Variants in CTNNA2 observed in about 807,000 individuals in gnomAD.
CTNNA2 encodes catenin alpha-2.
Under a neutral mutation model 101.0 loss-of-function variants are expected in CTNNA2, and 42 were observed. The observed-to-expected ratio is 0.42, with a 90% CI of 0.32 to 0.54. The LOEUF (loss-of-function observed/expected upper bound fraction) is 0.54. Among genes scored for constraint, CTNNA2 ranks in the 20% least tolerant of loss-of-function variants. CTNNA2 has a pLI of 0.14. For missense variants in CTNNA2, 871 were observed against 1,223.1 expected (o/e 0.71, Z 4.29); for synonymous variants, 450 against 456.4 (o/e 0.99, Z 0.18).
At chr2:80,383,115 C>G (rs1676666480) in intron 7 of CTNNA2, among the ~76,000 whole-genome samples, 2 of 152,096 alleles carry the variant, frequency 1.3e-5, no homozygotes, top group South Asian at 4.1e-4. Flanking sequence ...GGGGTTGGCA[C>G]TATGAAAAAT....
intron 7 of CTNNA2, among the ~76,000 whole-genome samples, chr2:80,128,365 T>G (rs527535748): frequency 1.3e-5 from 2 of 151,968 alleles, no homozygotes; most frequent in African/African-American, 2.4e-5. Flanking sequence ...CTAATGGGAG[T>G]CAGCACAGCT....
At chr2:80,325,604 T>TTC (rs1343482184) in intron 7 of CTNNA2, among the ~76,000 whole-genome samples, 3 of 152,206 alleles carry the variant, frequency 2.0e-5, no homozygotes, top group Non-Finnish European at 4.4e-5. Flanking sequence ...AACTGCCTCT[T>TTC]TCTCTACAAT....
intron 7 of CTNNA2, among the ~76,000 whole-genome samples, chr2:79,987,806 G>A (rs915126157): frequency 5.3e-5 from 8 of 152,184 alleles, no homozygotes; most frequent in Admixed American, 5.2e-4. Context: ...TTTGAGATAA[G>A]TACTGTTAAG....
chr2:80,531,262 T>C (rs555276913), intron 9 of CTNNA2, among the ~76,000 whole-genome samples: 16 of 152,276 alleles, frequency 1.1e-4, no homozygotes, highest in African/African-American at 3.6e-4. Flanking sequence ...GCAGTAACCA[T>C]TGCAGTGGCC....
chr2:80,172,091 CAG>C (rs1558872655), intron 7 of CTNNA2, among the ~76,000 whole-genome samples: 1 of 152,140 alleles, frequency 6.6e-6, no homozygotes, highest in Non-Finnish European at 1.5e-5. Context: ...AAGATCATGA[CAG>C]GGAGCGGTTT....
chr2:79,606,183 A>G (rs558922630), intron 1 of CTNNA2, among the ~76,000 whole-genome samples: 1 of 152,342 alleles, frequency 6.6e-6, no homozygotes, highest in South Asian at 2.1e-4. Context: ...GCATCAACAT[A>G]TGTGAATGAA....
intron 15 of CTNNA2, among the ~76,000 whole-genome samples, chr2:80,596,302 TTTTTTTTTTTTTTTTTTTTTTTTTTG>T (rs1696966340): frequency 1.5e-5 from 1 of 68,580 alleles, no homozygotes; most frequent in Admixed American, 1.6e-4. Context: ...TTTTTTTTTT[TTTTTTTTTTTTTTTTTTTTTTTTTTG>T]AGACGGAGTC....
intron 9 of CTNNA2, among the ~76,000 whole-genome samples, chr2:80,513,606 A>G (rs997567726): frequency 3.3e-5 from 5 of 152,242 alleles, no homozygotes; most frequent in African/African-American, 1.2e-4. Flanking sequence ...ACACCTTCCA[A>G]AATCTTGATG....
At chr2:79,963,070 C>CAAAA (rs56764501) in intron 7 of CTNNA2, among the ~76,000 whole-genome samples, 4 of 66,192 alleles carry the variant, frequency 6.0e-5, no homozygotes, top group Non-Finnish European at 1.0e-4. Flanking sequence ...GACTCCGTCT[C>CAAAA]AAAAAAAAAA....
chr2:79,805,618 T>C (rs909829146), intron 3 of CTNNA2, among the ~76,000 whole-genome samples: 14 of 152,178 alleles, frequency 9.2e-5, no homozygotes, highest in Admixed American at 7.2e-4. Context: ...ACTCCTGTTT[T>C]GCTGAGTGCA....
chr2:79,592,777 A>G (rs1279728740), intron 1 of CTNNA2, among the ~76,000 whole-genome samples: 1 of 152,234 alleles, frequency 6.6e-6, no homozygotes, highest in Non-Finnish European at 1.5e-5. Flanking sequence ...ATTGATTGCC[A>G]CATGATATGC....
chr2:80,600,479 GAA>G (rs1412081971), intron 15 of CTNNA2, among the ~76,000 whole-genome samples: 1 of 152,004 alleles, frequency 6.6e-6, no homozygotes, highest in Non-Finnish European at 1.5e-5. Flanking sequence ...CAAAATATCT[GAA>G]GAGCTTAGAT....
At chr2:79,395,288 C>T (rs2902073) in intron 4 of CTNNA2, among the ~76,000 whole-genome samples, 62,564 of 151,500 alleles carry the variant, frequency 0.41, 13,588 homozygotes, top group East Asian at 0.48. Flanking sequence ...ATGTGCACAA[C>T]GTGCAGGTTT....
intron 2 of CTNNA2, among the ~76,000 whole-genome samples, chr2:79,730,004 A>G (rs1213705054): frequency 6.6e-6 from 1 of 152,172 alleles, no homozygotes; most frequent in Non-Finnish European, 1.5e-5. Flanking sequence ...ATGCAGCCAC[A>G]TCAGTTGTCT....
intron 7 of CTNNA2, among the ~76,000 whole-genome samples, chr2:80,305,930 G>A (rs1439923936): frequency 6.6e-6 from 1 of 152,182 alleles, no homozygotes; most frequent in East Asian, 1.9e-4. Flanking sequence ...CTGCCTCTAA[G>A]GAAGTCAAAA....
Position 79,925,567 on chromosome 2 carries a change from T to G in CTNNA2, c.1056+15770T>G, listed in dbSNP as rs567253627. Reference sequence around the variant, plus strand: ...AGCAAATCACATATAGTTTGACACATCTATATGTTTAAAGGATAAGAAAAA... The same window carrying G: ...AGCAAATCACATATAGTTTGACACAGCTATATGTTTAAAGGATAAGAAAAA... On this transcript the variant is annotated intron_variant, in intron 7 of 18. Coordinates refer to ENST00000402739, the MANE Select transcript of CTNNA2 (RefSeq NM_001282597.3). Among the ~76,000 whole-genome samples, 29 of 152,248 alleles carry G rather than the reference T, an allele frequency of 1.9e-4. 1 individual carries two copies. The South Asian group carries it at 5.8e-3, about 30-fold the overall frequency.
chr2:80,607,948 A>G (rs758933548), intron 16 of CTNNA2, among the ~76,000 whole-genome samples: 3 of 151,906 alleles, frequency 2.0e-5, no homozygotes, highest in South Asian at 2.1e-4. Context: ...AGAAGTCCCA[A>G]TAAAACTTTC....
intron 4 of CTNNA2, among the ~76,000 whole-genome samples, chr2:79,464,164 G>C (rs1447228206): frequency 6.6e-6 from 1 of 152,102 alleles, no homozygotes. Flanking sequence ...CCCGATGTGT[G>C]ATGTTCCCCA....
intron 1 of CTNNA2, among the ~76,000 whole-genome samples, chr2:79,570,644 G>A (rs781607934): frequency 3.9e-5 from 6 of 151,954 alleles, no homozygotes; most frequent in Non-Finnish European, 5.9e-5. Flanking sequence ...TTTATTGGGG[G>A]TATTCAGAAA....
Sources: gnomAD v4.1 joint callset for allele counts (sites outside exome capture counted in the v4.1 genomes callset) on GRCh38, gnomAD v4.1.1 for gene constraint, MANE v1.5 for transcripts, NCBI Gene and HGNC (gene_info 2026-07-23, HGNC 2026-07-21) for gene names.